DSG1: variants seen among roughly 807,000 people sequenced by gnomAD.
DSG1 encodes the protein desmoglein-1.
DSG1 carries 39 observed loss-of-function variants against 97.5 expected under a neutral mutation model. The observed-to-expected ratio is 0.40, with a 90% CI of 0.31 to 0.52. The LOEUF (loss-of-function observed/expected upper bound fraction) is 0.52, where lower values mean the gene tolerates loss of function less well. Ranked by LOEUF, DSG1 falls within the 20% of genes least tolerant of loss-of-function variation. DSG1 has a pLI of 0.53. For missense variants in DSG1, 1,311 were observed against 1,295.4 expected (o/e 1.01, Z -0.18); for synonymous variants, 475 against 443.4 (o/e 1.07, Z -0.90).
intron 14 of DSG1, chr18:31,347,628 C>T (rs749846638): frequency 6.6e-5 from 10 of 152,148 alleles, no homozygotes; most frequent in African/African-American, 7.2e-5. Context: ...TCCACTATTA[C>T]GAACAACAAA....
chr18:31,329,748 T>G, intron 4 of DSG1, 144 bp from the exon 5 acceptor site: 1 of 988,656 alleles, frequency 1.0e-6, no homozygotes, highest in South Asian at 1.4e-5. Flanking sequence ...TGCTTTCCCT[T>G]AGTGACTGTA....
At chr18:31,349,332 T>C (rs1215187467) in intron 14 of DSG1, among the ~76,000 whole-genome samples, 1 of 146,322 alleles carries the variant, frequency 6.8e-6, no homozygotes, top group East Asian at 2.0e-4. Flanking sequence ...TATATCTCTG[T>C]TTTGGTACCA....
Position 31,354,655 on chromosome 18 carries a change from T to C in DSG1, c.2459T>C (p.Val820Ala). The stretch of plus-strand genomic sequence containing the variant: ...AGCACCTATCCCTCGGGACCTGGTG[T>C]ACTGCATCCTAAGCCTATTCTCGAT... ...SESTYPSGPG[V>A]LHPKPILDPL... The change falls in exon 15 of 15, where the codon GTA (valine) becomes GCA (alanine). Residue 820 changes from valine (V) to alanine (A), a missense_variant. Physicochemically the swap from Val to Ala is moderately conservative, Grantham distance 64. This residue lies in a region of DSG1 where 1,038 missense variants were observed against 964.6 expected (regional missense o/e 1.08). Coordinates refer to ENST00000257192, the MANE Select transcript of DSG1 (RefSeq NM_001942.4). 1 of 1,614,160 alleles carries C rather than the reference T, an allele frequency of 6.2e-7. No homozygotes were observed. Among genetic ancestry groups the C allele is most frequent in the Non-Finnish European group, 8.5e-7 (1 of 1,180,022 alleles).
At chr18:31,338,657 G>A (rs1384999833) in intron 10 of DSG1, among the ~76,000 whole-genome samples, 1 of 152,116 alleles carries the variant, frequency 6.6e-6, no homozygotes, top group East Asian at 1.9e-4. Context: ...GACTAGATTT[G>A]TGTCTTCCAC....
rs36039798 is a variant in DSG1, at chr18:31,354,809, A to C, written c.2613A>C (p.Pro871=). ...NVVVTERVVG[P]ISGADLHGML... Reference sequence around the variant, plus strand: ...TAGTGACAGAGAGAGTGGTCGGCCCAATCTCTGGCGCTGATTTGCATGGAA... The same window carrying C: ...TAGTGACAGAGAGAGTGGTCGGCCCCATCTCTGGCGCTGATTTGCATGGAA... Residue 871 remains proline, a synonymous_variant, in exon 15 of 15, where the codon CCA becomes CCC. Coordinates refer to ENST00000257192, the MANE Select transcript of DSG1 (RefSeq NM_001942.4). 1.2e-6 allele frequency: 2 copies of C among 1,614,150 alleles called. No individual in the cohort carries two copies. Among genetic ancestry groups the C allele is most frequent in the Non-Finnish European group, 8.5e-7 (1 of 1,180,020 alleles).
At chr18:31,324,567 T>G (rs1031612385) in intron 1 of DSG1, among the ~76,000 whole-genome samples, 1 of 152,174 alleles carries the variant, frequency 6.6e-6, no homozygotes, top group African/African-American at 2.4e-5. Context: ...TGTTCTAATC[T>G]GCTAAATTCT....
At chr18:31,323,999 C>CT (rs2071669701) in intron 1 of DSG1, among the ~76,000 whole-genome samples, 2 of 57,252 alleles carry the variant, frequency 3.5e-5, no homozygotes, top group Admixed American at 2.3e-4. Flanking sequence ...TTTTTTTTTT[C>CT]TTTTTTTGAG....
At chr18:31,351,950 G>A (rs1400361271) in intron 14 of DSG1, among the ~76,000 whole-genome samples, 2 of 151,272 alleles carry the variant, frequency 1.3e-5, no homozygotes, top group African/African-American at 4.9e-5. Context: ...CTTTTAATTG[G>A]AGCATTTAGT....
chr18:31,350,885 G>A (rs888589898), intron 14 of DSG1, among the ~76,000 whole-genome samples: 8 of 150,740 alleles, frequency 5.3e-5, no homozygotes, highest in African/African-American at 1.0e-4. Context: ...CTTGCTAGCA[G>A]TCTATCAATT....
At chr18:31,335,845 T>TTA (rs140586330) in intron 8 of DSG1, among the ~76,000 whole-genome samples, 6 of 150,332 alleles carry the variant, frequency 4.0e-5, no homozygotes, top group East Asian at 1.9e-4. Flanking sequence ...TTTATTTATA[T>TTA]TATATATATA....
rs1056194737 is a variant in DSG1, at chr18:31,338,197, A to T, written c.1266-118A>T. On this transcript the variant is annotated intron_variant, in intron 9 of 14. Transcript: ENST00000257192. Reference sequence around the variant, plus strand: ...CCTGAAAAAAAATAAAGTCTCTAGTAATTGAAAACTGTATCTAGGGATTAT... The same window carrying T: ...CCTGAAAAAAAATAAAGTCTCTAGTTATTGAAAACTGTATCTAGGGATTAT... 9.3e-6 allele frequency: 10 copies of T among 1,072,896 alleles called. No individual in the cohort carries two copies. The African/African-American group carries it at 1.3e-4, about 14-fold the overall frequency. 66.5% of individuals were successfully genotyped at this position (1,072,896 alleles called of 1,614,324 possible).
chr18:31,328,716 C>G (rs1004529965), intron 4 of DSG1, among the ~76,000 whole-genome samples: 3 of 151,880 alleles, frequency 2.0e-5, no homozygotes, highest in Non-Finnish European at 4.4e-5. Context: ...GTTTTCTGAG[C>G]AAATATACTT....
chr18:31,325,090 C>G (rs1568039367), intron 1 of DSG1, among the ~76,000 whole-genome samples: 1 of 152,160 alleles, frequency 6.6e-6, no homozygotes, highest in Non-Finnish European at 1.5e-5. Context: ...GACTTTGTAT[C>G]AGAGTTTATT....
At chr18:31,323,976 CTTTT>C (rs1203163479) in intron 1 of DSG1, among the ~76,000 whole-genome samples, 9 of 94,982 alleles carry the variant, frequency 9.5e-5, no homozygotes, top group Non-Finnish European at 9.8e-5. Flanking sequence ...TCTCTCCTTC[CTTTT>C]TTTTTTTTTT....
intron 14 of DSG1, among the ~76,000 whole-genome samples, chr18:31,352,387 C>T (rs1257775257): frequency 0.026 from 2,896 of 110,960 alleles, no homozygotes; most frequent in South Asian, 0.05. Context: ...ACCTTTCTCT[C>T]TGGCTGCCCT....
chr18:31,354,224 A>G (rs2071930038), intron 14 of DSG1, 73 bp from the exon 15 acceptor site: 4 of 1,345,772 alleles, frequency 3.0e-6, no homozygotes, highest in South Asian at 2.4e-5. Context: ...AAGAAAAACT[A>G]ATGATAAAGG....
intron 8 of DSG1, among the ~76,000 whole-genome samples, chr18:31,335,516 C>CAT (rs554510402): frequency 3.6e-4 from 55 of 151,128 alleles, no homozygotes; most frequent in Non-Finnish European, 6.5e-4. Flanking sequence ...TAGCTATATA[C>CAT]ATATATATAT....
intron 4 of DSG1, among the ~76,000 whole-genome samples, chr18:31,328,642 G>C (rs1374437141): frequency 2.0e-5 from 3 of 152,020 alleles, no homozygotes; most frequent in African/African-American, 2.4e-5. Flanking sequence ...AAAAAATTCA[G>C]TAAAGAATGT....
At chr18:31,353,211 C>T (rs1157121694) in intron 14 of DSG1, among the ~76,000 whole-genome samples, 4 of 149,428 alleles carry the variant, frequency 2.7e-5, no homozygotes, top group Non-Finnish European at 6.0e-5. Flanking sequence ...AGCTGCAGGT[C>T]TGTTGGAGTA....
Sources: allele counts gnomAD v4.1 joint callset (sites outside exome capture counted in the v4.1 genomes callset), GRCh38; gene constraint gnomAD v4.1.1; regional missense constraint gnomAD v4.1.1; transcripts MANE v1.5; gene names NCBI Gene and HGNC (gene_info 2026-07-23, HGNC 2026-07-21).